TNRC18: variants seen among roughly 807,000 people sequenced by gnomAD.
The protein encoded by TNRC18 is trinucleotide repeat-containing gene 18 protein.
In TNRC18, 69 loss-of-function variants were observed where a neutral mutation model predicts 226.7. The ratio of observed to expected loss-of-function variants is 0.30; its 90% CI spans 0.25 to 0.37. The LOEUF (loss-of-function observed/expected upper bound fraction) is 0.37. Among genes scored for constraint, TNRC18 ranks in the 10% least tolerant of loss-of-function variants. TNRC18 has a pLI of 1.00. For synonymous variants in TNRC18, 2,449 were observed against 1,927.6 expected (o/e 1.27, Z -7.09); for missense variants, 4,754 against 4,256.6 (o/e 1.12, Z -3.25).
chr7:5,410,029 G>C (rs1201601997), intron 2 of TNRC18, among the ~76,000 whole-genome samples: 1 of 150,958 alleles, frequency 6.6e-6, no homozygotes. Flanking sequence ...TCAATGATCA[G>C]ATCAGACGCA....
At chr7:5,398,375 G>A (rs910291001) in intron 2 of TNRC18, among the ~76,000 whole-genome samples, 1 of 152,132 alleles carries the variant, frequency 6.6e-6, no homozygotes, top group African/African-American at 2.4e-5. Flanking sequence ...TCTCAATGTT[G>A]GTCAGGCTGG....
At position 5,312,117 on chromosome 7, in the gene TNRC18, C is replaced by G. The variant is rs1244000953; in HGVS notation, c.8388+386G>C. On this transcript the variant is annotated intron_variant, in intron 27 of 29. Transcript: ENST00000430969. The surrounding 1 kb of genome is among the most constrained non-coding windows in gnomAD (Gnocchi z 6.3). ...CACCACCACACTCCAGCCTGGGCAACAGAGAGAGACTCAGTCTCAAAAAAA... is the reference window on the plus strand; with the variant it reads ...CACCACCACACTCCAGCCTGGGCAAGAGAGAGAGACTCAGTCTCAAAAAAA... Among the ~76,000 whole-genome samples the G allele has an allele frequency of 1.3e-5, 2 of 152,192 alleles. No individual in the cohort carries two copies. The highest frequency in any genetic ancestry group is 2.4e-5 in the African/African-American group (1 of 41,456).
intron 9 of TNRC18, 60 bp from the exon 10 acceptor site, chr7:5,374,544 G>A (rs933420595): frequency 2.7e-5 from 40 of 1,483,690 alleles, no homozygotes; most frequent in African/African-American, 1.3e-4. Flanking sequence ...CCCGACGCCC[G>A]CACCTGCCCT....
intron 18 of TNRC18, 36 bp downstream of exon 18, chr7:5,345,526 A>ACCCCCCCCCCCC: frequency 5.6e-6 from 1 of 177,496 alleles, no homozygotes; most frequent in East Asian, 1.3e-4. Context: ...CGCCCCTCCC[A>ACCCCCCCCCCCC]CCCACCCCCA....
chr7:5,398,261 C>G (rs949789139), intron 2 of TNRC18, among the ~76,000 whole-genome samples: 3 of 152,054 alleles, frequency 2.0e-5, no homozygotes, highest in Non-Finnish European at 2.9e-5. Flanking sequence ...CCTTCCGCCA[C>G]CCGGGTTCAA....
chr7:5,345,526 A>ACACCCCCCCC, intron 18 of TNRC18, 36 bp downstream of exon 18: 1 of 177,496 alleles, frequency 5.6e-6, no homozygotes, highest in Non-Finnish European at 1.1e-5. Context: ...CGCCCCTCCC[A>ACACCCCCCCC]CCCACCCCCA....
intron 19 of TNRC18, chr7:5,329,900 C>T (rs1296273573): frequency 4.2e-6 from 2 of 470,660 alleles, no homozygotes; most frequent in Admixed American, 2.4e-5. Context: ...AGCTGAATAC[C>T]CAGCTATTAT....
In TNRC18 at chr7:5,387,916, A is replaced by T. The variant is rs1229761691; in HGVS notation, c.1908T>A (p.Arg636=). 4.4e-6 allele frequency: 7 copies of T among 1,593,470 alleles called. No individual in the cohort carries two copies. The highest frequency in any genetic ancestry group is 6.0e-6 in the Non-Finnish European group (7 of 1,171,416). Reference sequence around the variant, plus strand: ...CTGCAGGGCCTCCGGAGTGTGGGAGACGGGCCTGGGCTCGGGAGGCACCCG... The same window carrying T: ...CTGCAGGGCCTCCGGAGTGTGGGAGTCGGGCCTGGGCTCGGGAGGCACCCG... ...TSAGASRAQA[R]LPHSGGPAAG... The change falls in exon 5 of 30, where the codon CGT becomes CGA. Residue 636 remains arginine, a synonymous_variant. Coordinates refer to ENST00000430969, the MANE Select transcript of TNRC18 (RefSeq NM_001080495.3).
In TNRC18 at chr7:5,397,822, G is replaced by C. The variant is rs1780799468; in HGVS notation, c.188-3227C>G. Among the ~76,000 whole-genome samples, 4 of 152,260 alleles carry C rather than the reference G, an allele frequency of 2.6e-5. No homozygotes were observed. In the South Asian group the frequency reaches 6.2e-4, roughly 24 times the overall value. On this transcript the variant is annotated intron_variant, in intron 2 of 29. Coordinates refer to ENST00000430969, the MANE Select transcript of TNRC18 (RefSeq NM_001080495.3). ...GACCACCCACAACCCCTCGGAAACA[G>C]ATCTGCCAGCCTCCTTGTGGATTTC...
chr7:5,352,512 G>A (rs1408545275), intron 16 of TNRC18, among the ~76,000 whole-genome samples: 3 of 152,228 alleles, frequency 2.0e-5, no homozygotes, highest in Admixed American at 1.3e-4. Flanking sequence ...GAGGGAAAGG[G>A]CTCATGACAG....
chr7:5,339,171 G>A (rs1013338294), intron 18 of TNRC18, among the ~76,000 whole-genome samples: 2 of 150,254 alleles, frequency 1.3e-5, no homozygotes, highest in Non-Finnish European at 3.0e-5. Context: ...CGTGAACAGT[G>A]CCCATATAAG....
chr7:5,421,264 C>T lies in TNRC18; in HGVS notation c.-18G>A. 7.8e-7 allele frequency: 1 copy of T among 1,280,044 alleles called. No homozygotes were observed. The highest frequency in any genetic ancestry group is 9.9e-7 in the Non-Finnish European group (1 of 1,010,672). The allele number at this position is 1,280,044 out of a possible 1,614,324, so 79.3% of individuals were successfully genotyped here. A position where few individuals can be genotyped will look rare whatever the true frequency, so the allele number is the denominator to read the frequency against. On this transcript the variant is annotated 5_prime_UTR_variant, in exon 2 of 30. Coordinates refer to ENST00000430969, the MANE Select transcript of TNRC18 (RefSeq NM_001080495.3). ...CCATCCATCCTCCGCGGGAGTGCCG[C>T]GATCAGCCCCCCACCCGGCCCGCAG...
intron 2 of TNRC18, among the ~76,000 whole-genome samples, chr7:5,417,667 G>T (rs562794610): frequency 1.3e-5 from 2 of 152,334 alleles, no homozygotes; most frequent in South Asian, 4.1e-4. Context: ...AAATGAGCAA[G>T]TGAGGAAAGA....
chr7:5,315,398 G>A (rs1787749236), intron 25 of TNRC18, among the ~76,000 whole-genome samples: 1 of 149,424 alleles, frequency 6.7e-6, no homozygotes, highest in South Asian at 2.1e-4. Context: ...GGTGGATAAA[G>A]ATGCTGACTT....
chr7:5,364,613 A>G (rs1444447329), intron 11 of TNRC18, among the ~76,000 whole-genome samples: 4 of 151,782 alleles, frequency 2.6e-5, no homozygotes, highest in Admixed American at 6.6e-5. Flanking sequence ...AAACCAGCCT[A>G]GCCAACATGG....
At chr7:5,349,684 A>T (rs925000515) in intron 17 of TNRC18, among the ~76,000 whole-genome samples, 1 of 152,216 alleles carries the variant, frequency 6.6e-6, no homozygotes, top group Non-Finnish European at 1.5e-5. Context: ...TTGCGTCCAG[A>T]GTGCAGCGTG....
Position 5,389,020 on chromosome 7 carries a change from C to T in TNRC18, c.804G>A (p.Glu268=), listed in dbSNP as rs772929220. The part of the protein sequence containing the change: ...LAERLSPFLA[E]SKTKNAALQP... ...GCAGCGCCGCATTCTTGGTCTTGGA[C>T]TCAGCCAGGAAGGGCGACAGGCGCT... The change falls in exon 5 of 30, where the codon GAG becomes GAA. Residue 268 remains glutamate (E), a synonymous_variant. Transcript: ENST00000430969. 1.5e-6 allele frequency: 2 copies of T among 1,332,132 alleles called. No individual in the cohort carries two copies. Among genetic ancestry groups the T allele is most frequent in the South Asian group, 1.6e-5 (1 of 61,064 alleles). The allele number at this position is 1,332,132 out of a possible 1,614,324, so 82.5% of individuals were successfully genotyped here. A position where few individuals can be genotyped will look rare whatever the true frequency, so the allele number is the denominator to read the frequency against.
In TNRC18 at chr7:5,308,105, C is replaced by T; in HGVS notation, c.*1G>A. On this transcript the variant is annotated 3_prime_UTR_variant, in exon 30 of 30. Coordinates refer to ENST00000430969, the MANE Select transcript of TNRC18 (RefSeq NM_001080495.3). ...CAGGTGGCCCGCAGGGCCCGGCGGGCTCAGCAGAGCACGGGCACGCCGTCC... is the reference window on the plus strand; with the variant it reads ...CAGGTGGCCCGCAGGGCCCGGCGGGTTCAGCAGAGCACGGGCACGCCGTCC... 1 of 1,548,988 alleles carries T rather than the reference C, an allele frequency of 6.5e-7. No individual in the cohort carries two copies. Among genetic ancestry groups the T allele is most frequent in the Non-Finnish European group, 8.7e-7 (1 of 1,146,570 alleles).
rs1794428950 is a variant in TNRC18 at position 5,374,302 on chromosome 7, T to C, written c.2982A>G (p.Pro994=). 6.9e-7 allele frequency: 1 copy of C among 1,452,580 alleles called. No individual in the cohort carries two copies. Among genetic ancestry groups the C allele is most frequent in the Non-Finnish European group, 9.0e-7 (1 of 1,106,682 alleles). 90.0% of individuals were successfully genotyped at this position (1,452,580 alleles called of 1,614,324 possible). A position where few individuals can be genotyped will look rare whatever the true frequency, so the allele number is the denominator to read the frequency against. The change falls in exon 10 of 30, where the codon CCA becomes CCG. Residue 994 remains proline, a synonymous_variant. Coordinates refer to ENST00000430969, the MANE Select transcript of TNRC18 (RefSeq NM_001080495.3). ...GTYGKAVSPP[P]SPRASPVAAL... ...CAGCCACAGGGGATGCGCGGGGTGA[T>C]GGTGGCGGGCTCACGGCCTTGCCGT...
Sources: gnomAD v4.1 joint callset for allele counts (sites outside exome capture counted in the v4.1 genomes callset) on GRCh38, gnomAD v4.1.1 for gene constraint, Gnocchi (gnomAD v3.1) non-coding constraint, MANE v1.5 for transcripts, NCBI Gene and HGNC (gene_info 2026-07-23, HGNC 2026-07-21) for gene names.